GREB1: variants seen among roughly 807,000 people sequenced by gnomAD.
GREB1 encodes growth regulating estrogen receptor binding 1.
GREB1 carries 106 observed loss-of-function variants against 200.7 expected under a neutral mutation model. The observed-to-expected ratio is 0.53, with a 90% CI of 0.45 to 0.62. The LOEUF (loss-of-function observed/expected upper bound fraction) is 0.62. GREB1 is among the 20% of genes least tolerant of loss of function. GREB1 has a pLI of 0.00. For synonymous variants in GREB1, 1,132 were observed against 1,092.4 expected, an observed-to-expected ratio of 1.04 and a Z score of -0.72; for missense variants, 2,243 against 2,556.8, an observed-to-expected ratio of 0.88 and a Z score of 2.65.
rs201576796 is a variant in GREB1 at position 11,538,778 on chromosome 2, G to T, written c.-162+4524G>T. 4.9e-3 allele frequency among the ~76,000 whole-genome samples: 53 copies of T among 10,736 alleles called. 3 individuals are homozygous for T. Among genetic ancestry groups the T allele is most frequent in the African/African-American group, 9.2e-3 (47 of 5,104 alleles). 7.0% of individuals were successfully genotyped at this position (10,736 alleles called of 152,430 possible). On this transcript the variant is annotated intron_variant, in intron 1 of 32. Coordinates refer to ENST00000381486, the MANE Select transcript of GREB1 (RefSeq NM_014668.4). ...TTCCTTTCTTCCTTCCTTCCTTCCC[G>T]TCTTCCTTCCTTCCTTCCCTTCTTT...
chr2:11,516,596 G>C lies in GREB1; in HGVS notation c.-159+34215G>C, dbSNP rs966974968. 5.9e-5 allele frequency among the ~76,000 whole-genome samples: 9 copies of C among 152,328 alleles called. No individual in the cohort carries two copies. The East Asian group carries it at 1.5e-3, about 26-fold the overall frequency. On this transcript the variant is annotated intron_variant, in intron 1 of 2. Transcript: ENST00000628795. ...AGTCCCAGCTGTAGTTGACGTAGGAGTCAGGCAGATGGAGACCAGAATCTC... is the reference window on the plus strand; with the variant it reads ...AGTCCCAGCTGTAGTTGACGTAGGACTCAGGCAGATGGAGACCAGAATCTC...
chr2:11,607,475 C>A (rs924902511), intron 17 of GREB1, among the ~76,000 whole-genome samples: 3 of 146,612 alleles, frequency 2.0e-5, no homozygotes, highest in East Asian at 2.0e-4. Flanking sequence ...TATATATACA[C>A]ACACATACAT....
chr2:11,512,374 T>C (rs1454866207), intron 1 of GREB1, among the ~76,000 whole-genome samples: 1 of 152,214 alleles, frequency 6.6e-6, no homozygotes, highest in Non-Finnish European at 1.5e-5. Flanking sequence ...GCTAAGTGCT[T>C]TCCTATTAAG....
chr2:11,592,735 C>G (rs1372765345), intron 10 of GREB1, 41 bp from the exon 11 acceptor site: 1 of 1,347,000 alleles, frequency 7.4e-7, no homozygotes, highest in Non-Finnish European at 9.8e-7. Flanking sequence ...CCGGATGCCG[C>G]TGGCATTTGT....
At chr2:11,512,399 A>G (rs111537277) in intron 1 of GREB1, among the ~76,000 whole-genome samples, 6 of 152,370 alleles carry the variant, frequency 3.9e-5, no homozygotes, top group South Asian at 2.1e-4. Flanking sequence ...AATTCACTTA[A>G]CAAATATTTA....
chr2:11,590,447 A>C (rs1164085384), intron 10 of GREB1, among the ~76,000 whole-genome samples: 1 of 151,912 alleles, frequency 6.6e-6, no homozygotes, highest in African/African-American at 2.4e-5. Context: ...TGTCCCCCTC[A>C]GCAATCTTGG....
Position 11,641,468 on chromosome 2 carries a change from G to GTTTTGTTTTGTTTTT in GREB1, c.*1028_*1029insTTTTTGTTTTGTTTT, listed in dbSNP as rs1553388267. 3.7e-5 allele frequency: 1 copy of GTTTTGTTTTGTTTTT among 27,090 alleles called. No individual in the cohort carries two copies. Among genetic ancestry groups the GTTTTGTTTTGTTTTT allele is most frequent in the Non-Finnish European group, 8.1e-5 (1 of 12,320 alleles). The allele number at this position is 27,090 out of a possible 1,614,324, so 1.7% of individuals were successfully genotyped here. ...CACCCCTTCACAGACTGACAGAATGGTTTTGTTTTGTTTTGTTTTGTTTTG... is the reference window on the plus strand; with the variant it reads ...CACCCCTTCACAGACTGACAGAATGGTTTTGTTTTGTTTTTTTTTGTTTTGTTTTGTTTTGTTTTG... On this transcript the variant is annotated 3_prime_UTR_variant, in exon 33 of 33. Transcript: ENST00000381486.
At chr2:11,545,430 C>A (rs181500510) in intron 1 of GREB1, among the ~76,000 whole-genome samples, 3 of 152,292 alleles carry the variant, frequency 2.0e-5, no homozygotes, top group Admixed American at 1.3e-4. Context: ...CTGCACCCGG[C>A]CAATCAGCAA....
chr2:11,599,518 T>TC (rs1681581427), intron 15 of GREB1, among the ~76,000 whole-genome samples: 1 of 97,774 alleles, frequency 1.0e-5, no homozygotes, highest in African/African-American at 3.5e-5. Flanking sequence ...TTCGTTTTTG[T>TC]ATTTTTTTTT....
intron 16 of GREB1, among the ~76,000 whole-genome samples, chr2:11,601,998 G>T (rs542117509): frequency 1.3e-5 from 2 of 152,330 alleles, no homozygotes; most frequent in Non-Finnish European, 2.9e-5. Flanking sequence ...AGTAAAATTG[G>T]CTAGGTAAAT....
Position 11,632,042 on chromosome 2 carries a change from C to T in GREB1, c.4745C>T (p.Ala1582Val). 6.2e-7 allele frequency: 1 copy of T among 1,613,996 alleles called. No homozygotes were observed. The highest frequency in any genetic ancestry group is 8.5e-7 in the Non-Finnish European group (1 of 1,179,878). ...CTGGTTGTCAAGGAATACGAGATGG[C>T]AATTTATAAGAAATATTGGCCCAAC... ...HVLVVKEYEM[A>V]IYKKYWPNHI... is the part of the protein sequence containing the mutation. Residue 1582 changes from alanine to valine, a missense_variant, in exon 27 of 33, where the codon GCA becomes GTA. Physicochemically the swap from Ala to Val is moderately conservative, Grantham distance 64. Transcript: ENST00000381486.
chr2:11,546,943 CT>C (rs386354826), intron 1 of GREB1, among the ~76,000 whole-genome samples: 5,656 of 123,344 alleles, frequency 0.046, 117 homozygotes, highest in African/African-American at 0.12. Context: ...CTAGTTTAAA[CT>C]TTTTTTTTTT....
At chr2:11,559,913 T>A (rs554162914) in intron 2 of GREB1, among the ~76,000 whole-genome samples, 1 of 152,304 alleles carries the variant, frequency 6.6e-6, no homozygotes, top group East Asian at 1.9e-4. Context: ...GATCAGGAGT[T>A]CCTGAGTCAC....
At chr2:11,515,842 C>A (rs1359492426) in intron 1 of GREB1, among the ~76,000 whole-genome samples, 1 of 152,192 alleles carries the variant, frequency 6.6e-6, no homozygotes, top group Admixed American at 6.5e-5. Context: ...ACTTCAGACT[C>A]CTAGGGGTAG....
At chr2:11,583,427 G>T (rs2148099627) in intron 7 of GREB1, among the ~76,000 whole-genome samples, 1 of 152,310 alleles carries the variant, frequency 6.6e-6, no homozygotes, top group South Asian at 2.1e-4. Context: ...CCACGGCTTT[G>T]AAAGCTCTTT....
chr2:11,506,638 G>A (rs541479799), intron 1 of GREB1, among the ~76,000 whole-genome samples: 42 of 152,176 alleles, frequency 2.8e-4, no homozygotes, highest in Non-Finnish European at 5.1e-4. Flanking sequence ...ATACAGTCCC[G>A]TCTTCCCTTC....
chr2:11,579,208 C>G (rs969836620), intron 6 of GREB1, among the ~76,000 whole-genome samples: 7 of 152,204 alleles, frequency 4.6e-5, no homozygotes, highest in African/African-American at 1.7e-4. Flanking sequence ...GATGTACTCT[C>G]CTCCAGAGGC....
At chr2:11,598,602 G>A (rs1339254347) in intron 14 of GREB1, 78 bp from the exon 15 acceptor site, 16 of 1,292,058 alleles carry the variant, frequency 1.2e-5, no homozygotes, top group African/African-American at 7.3e-5. Context: ...TGTAGGAGTC[G>A]CTCCTCAGGT....
chr2:11,582,948 GC>G (rs1346388090), intron 7 of GREB1, among the ~76,000 whole-genome samples: 1 of 152,194 alleles, frequency 6.6e-6, no homozygotes, highest in Admixed American at 6.5e-5. Flanking sequence ...GTTGTCCCAG[GC>G]CCAGGGTCTT....
Sources: gnomAD v4.1 joint callset for allele counts (sites outside exome capture counted in the v4.1 genomes callset) on GRCh38, gnomAD v4.1.1 for gene constraint, MANE v1.5 for transcripts, NCBI Gene and HGNC (gene_info 2026-07-23, HGNC 2026-07-21) for gene names.